MYRF: variants seen among roughly 807,000 people sequenced by gnomAD.
The protein encoded by MYRF is myelin regulatory factor, also known as myelin gene regulatory factor.
A neutral mutation model predicts 126.3 loss-of-function variants in MYRF; 16 were observed. That is an observed-to-expected ratio of 0.13 (90% CI 0.09 to 0.19). The LOEUF (loss-of-function observed/expected upper bound fraction) is 0.19. MYRF is among the 10% of genes least tolerant of loss of function. The probability of loss-of-function intolerance (pLI) is 1.00; values close to 1 mark genes in which losing one functional copy is unlikely to be tolerated. For missense variants in MYRF, 1,104 were observed against 1,547.0 expected, an observed-to-expected ratio of 0.71 and a Z score of 4.80; for synonymous variants, 608 against 635.3, an observed-to-expected ratio of 0.96 and a Z score of 0.65.
At position 61,770,375 on chromosome 11, in the gene MYRF, ACT is replaced by A; in HGVS notation, c.591_592del (p.His197GlnfsTer30). ...CCGCCACCCCCACCACCCCCACCTC[ACT>A]ACCCTGTCCTGCAGCGGGATCTGTA... On this transcript the variant is annotated frameshift_variant, in exon 5 of 27. Transcript: ENST00000278836. LOFTEE classifies it high-confidence loss of function. 1 of 958,592 alleles carries A rather than the reference ACT, an allele frequency of 1.0e-6. No homozygotes were observed. Among genetic ancestry groups the A allele is most frequent in the Non-Finnish European group, 1.3e-6 (1 of 750,606 alleles). 59.4% of individuals were successfully genotyped at this position (958,592 alleles called of 1,614,324 possible). A position where few individuals can be genotyped will look rare whatever the true frequency, so the allele number is the denominator to read the frequency against.
chr11:61,786,603 G>C lies in MYRF; in HGVS notation c.*460G>C. 1 of 178,040 alleles carries C rather than the reference G, an allele frequency of 5.6e-6. No homozygotes were observed. Among genetic ancestry groups the C allele is most frequent in the Non-Finnish European group, 1.2e-5 (1 of 82,810 alleles). The allele number at this position is 178,040 out of a possible 1,614,324, so 11.0% of individuals were successfully genotyped here. Reference sequence around the variant, plus strand: ...CTCGGATCCAGCCCTAAGAGACTTGGGTGGACCCCCATGAGTCAATGGAGG... The same window carrying C: ...CTCGGATCCAGCCCTAAGAGACTTGCGTGGACCCCCATGAGTCAATGGAGG... On this transcript the variant is annotated 3_prime_UTR_variant, in exon 27 of 27. Coordinates refer to ENST00000278836, the MANE Select transcript of MYRF (RefSeq NM_001127392.3). The surrounding 1 kb of genome is among the most constrained non-coding windows in gnomAD (Gnocchi z 4.5).
rs1324140673 is a variant in MYRF at position 61,780,786 on chromosome 11, G to A, written c.2480G>A (p.Cys827Tyr). 2 of 1,545,870 alleles carry A rather than the reference G, an allele frequency of 1.3e-6. No individual in the cohort carries two copies. The highest frequency in any genetic ancestry group is 1.7e-6 in the Non-Finnish European group (2 of 1,147,550). Residue 827 changes from cysteine to tyrosine, a missense_variant, in exon 19 of 27, where the codon TGC becomes TAC. By Grantham distance (194) the Cys-to-Tyr change is radical. Coordinates refer to ENST00000278836, the MANE Select transcript of MYRF (RefSeq NM_001127392.3). ...CCCCCTGGGGGGAGTGAGGCCTTGT[G>A]CCCATGGTACGTGCTGACCAGCGCC... is the stretch of plus-strand genomic sequence containing the variant. ...PQPPGGSEAL[C>Y]PWSSQSFGTT...
chr11:61,762,415 C>T (rs565176806), intron 1 of MYRF, among the ~76,000 whole-genome samples: 10 of 152,346 alleles, frequency 6.6e-5, no homozygotes, highest in South Asian at 4.1e-4. Flanking sequence ...CAGCCTCTGG[C>T]GGGCCCGGCT....
chr11:61,780,777 A>G lies in MYRF; in HGVS notation c.2471A>G (p.Glu824Gly). The change falls in exon 19 of 27, where the codon GAG becomes GGG. Residue 824 changes from glutamate (E) to glycine (G), a missense_variant. Transcript: ENST00000278836. ...LLRPQPPGGSEALCPWSSQSF... is the reference protein window; with the variant it reads ...LLRPQPPGGSGALCPWSSQSF... ...CGGCCCCAGCCCCCTGGGGGGAGTG[A>G]GGCCTTGTGCCCATGGTACGTGCTG... is the stretch of plus-strand genomic sequence containing the variant. 1.3e-6 allele frequency: 2 copies of G among 1,546,338 alleles called. No individual in the cohort carries two copies. The highest frequency in any genetic ancestry group is 2.4e-5 in the South Asian group (2 of 84,106).
chr11:61,758,768 G>T (rs2065829372), intron 1 of MYRF, among the ~76,000 whole-genome samples: 1 of 152,246 alleles, frequency 6.6e-6, no homozygotes, highest in South Asian at 2.1e-4. Flanking sequence ...CTGCTCCCTA[G>T]AATGTCAGCT....
At chr11:61,761,410 G>C (rs2135715573) in intron 1 of MYRF, among the ~76,000 whole-genome samples, 1 of 152,308 alleles carries the variant, frequency 6.6e-6, no homozygotes, top group East Asian at 1.9e-4. Flanking sequence ...AAGGAGACGA[G>C]GAGAGAAGAG....
At chr11:61,754,033 T>G (rs1443778850) in intron 1 of MYRF, 1 of 152,462 alleles carries the variant, frequency 6.6e-6, no homozygotes, top group African/African-American at 2.4e-5. Context: ...CCTTGGTGCA[T>G]TGAGAACCTT....
chr11:61,763,301 C>T (rs2065953015), intron 1 of MYRF, among the ~76,000 whole-genome samples: 1 of 152,166 alleles, frequency 6.6e-6, no homozygotes, highest in African/African-American at 2.4e-5. Flanking sequence ...ATTATGTTAC[C>T]TATCTGAACA....
intron 1 of MYRF, among the ~76,000 whole-genome samples, chr11:61,753,121 A>G (rs1360853858): frequency 1.3e-5 from 2 of 151,742 alleles, no homozygotes; most frequent in African/African-American, 4.9e-5. Context: ...AAACTTCCCG[A>G]GTCTGGGGAC....
Position 61,771,575 on chromosome 11 carries a change from T to C in MYRF, c.816T>C (p.Asn272=), listed in dbSNP as rs373614413. ...PPSTLNAQML[N]GMIKQEPGTV... is the part of the protein sequence containing the mutation. Reference sequence around the variant, plus strand: ...GCACCCTCAATGCCCAGATGCTGAATGGAATGATCAAACAGGAGCCTGGGA... The same window carrying C: ...GCACCCTCAATGCCCAGATGCTGAACGGAATGATCAAACAGGAGCCTGGGA... The change falls in exon 6 of 27, where the codon AAT becomes AAC. Residue 272 remains asparagine, a synonymous_variant. Coordinates refer to ENST00000278836, the MANE Select transcript of MYRF (RefSeq NM_001127392.3). 7 of 1,613,732 alleles carry C rather than the reference T, an allele frequency of 4.3e-6. No individual in the cohort carries two copies. Among genetic ancestry groups the C allele is most frequent in the Non-Finnish European group, 5.9e-6 (7 of 1,179,940 alleles).
rs370509991 is a variant in MYRF, at chr11:61,773,962, C to T, written c.1116-5C>T. ...TCAGGGGAGTGCCCTCACCCGCCCC[C>T]CCAGGCCCATGCTCACCTACCGCGT... On this transcript the variant is annotated splice_region_variant and splice_polypyrimidine_tract_variant and intron_variant, in intron 7 of 26. Coordinates refer to ENST00000278836, the MANE Select transcript of MYRF (RefSeq NM_001127392.3). The T allele has an allele frequency of 3.1e-6, 5 of 1,606,848 alleles. No homozygotes were observed. In the South Asian group the frequency reaches 3.3e-5, roughly 11 times the overall value.
At position 61,774,174 on chromosome 11, in the gene MYRF, GC is replaced by G; in HGVS notation, c.1311+13del. On this transcript the variant is annotated intron_variant, in intron 8 of 26. Transcript: ENST00000278836. ...TGCACGGAGTGAAGGCAAGTTTGGG[GC>G]TCAGCAAGGAAGGGAGGGCAGGAGG... 1 of 1,590,512 alleles carries G rather than the reference GC, an allele frequency of 6.3e-7. No homozygotes were observed. Among genetic ancestry groups the G allele is most frequent in the Non-Finnish European group, 8.6e-7 (1 of 1,163,802 alleles).
chr11:61,775,508 C>T (rs1053782430), intron 8 of MYRF, among the ~76,000 whole-genome samples: 15 of 152,178 alleles, frequency 9.9e-5, no homozygotes, highest in Non-Finnish European at 2.1e-4. Flanking sequence ...TCCCTGTGGG[C>T]ATGGCTGGGT....
intron 1 of MYRF, among the ~76,000 whole-genome samples, 193 bp downstream of exon 1, chr11:61,752,983 G>A (rs2065647871): frequency 6.6e-6 from 1 of 152,056 alleles, no homozygotes; most frequent in South Asian, 2.1e-4. Flanking sequence ...CGCCGCTGAA[G>A]TTGGGCTCCC....
intron 1 of MYRF, among the ~76,000 whole-genome samples, chr11:61,762,659 G>A (rs1234554894): frequency 2.0e-5 from 3 of 152,330 alleles, no homozygotes; most frequent in Middle Eastern, 3.4e-3. Context: ...CACCTGGAAA[G>A]TCTGTTAGAA....
At position 61,761,265 on chromosome 11, in the gene MYRF, G is replaced by GC. The variant is rs986517125; in HGVS notation, c.47-4360_47-4359insC. 6.7e-4 allele frequency among the ~76,000 whole-genome samples: 102 copies of GC among 151,730 alleles called. 3 individuals are homozygous for GC. Among genetic ancestry groups the GC allele is most frequent in the African/African-American group, 2.2e-3 (93 of 41,406 alleles). On this transcript the variant is annotated intron_variant, in intron 1 of 26. Coordinates refer to ENST00000278836, the MANE Select transcript of MYRF (RefSeq NM_001127392.3). ...AGCCAACGGCCACAGCTGGTGGGGG[G>GC]GGGGGCACATAAGCACAAGGAGGGG...
intron 1 of MYRF, chr11:61,755,409 G>A (rs2065722901): frequency 1.9e-6 from 3 of 1,609,242 alleles, no homozygotes; most frequent in East Asian, 2.2e-5. Flanking sequence ...GCAGAGAGGG[G>A]ACCCACCGGG....
At position 61,785,814 on chromosome 11, in the gene MYRF, G is replaced by T. The variant is rs763597118; in HGVS notation, c.3315G>T (p.Arg1105=). ...CTTCTCTCCAGGGCACCTCTCACCG[G>T]TGGCCAATAACCATCCTGTCCTTCC... is the stretch of plus-strand genomic sequence containing the variant. ...THQDTQGTSH[R]WPITILSFRE... The change falls in exon 26 of 27, where the codon CGG becomes CGT. Residue 1105 remains arginine, a synonymous_variant. Transcript: ENST00000278836. 1.7e-5 allele frequency: 28 copies of T among 1,614,132 alleles called. No individual in the cohort carries two copies. The highest frequency in any genetic ancestry group is 1.8e-5 in the Non-Finnish European group (21 of 1,179,982).
At chr11:61,773,865 G>T (rs1459445800) in intron 7 of MYRF, 102 bp from the exon 8 acceptor site, 1 of 916,694 alleles carries the variant, frequency 1.1e-6, no homozygotes, top group South Asian at 1.6e-5. Context: ...GGATGCAGGG[G>T]TGTGGTGTGG....
Sources: gnomAD v4.1 joint callset for allele counts (sites outside exome capture counted in the v4.1 genomes callset) on GRCh38, gnomAD v4.1.1 for gene constraint, Gnocchi (gnomAD v3.1) non-coding constraint, MANE v1.5 for transcripts, NCBI Gene and HGNC (gene_info 2026-07-23, HGNC 2026-07-21) for gene names.